Variants in IPCEF1 observed in about 807,000 individuals in gnomAD.
The protein encoded by IPCEF1 is interaction protein for cytohesin exchange factors 1.
Under a neutral mutation model 50.9 loss-of-function variants are expected in IPCEF1, and 31 were observed. That is an observed-to-expected ratio of 0.61 (90% CI 0.46 to 0.82). IPCEF1 has a LOEUF of 0.82. Among genes scored for constraint, IPCEF1 ranks in the 40% least tolerant of loss-of-function variants. The pLI, the probability that IPCEF1 is intolerant of heterozygous loss-of-function variation, is 0.00. For synonymous variants in IPCEF1, 181 were observed against 192.0 expected (o/e 0.94, Z 0.47); for missense variants, 458 against 514.0 (o/e 0.89, Z 1.05).
intron 10 of IPCEF1, among the ~76,000 whole-genome samples, chr6:154,172,653 G>C (rs950119129): frequency 3.9e-5 from 6 of 152,244 alleles, no homozygotes; most frequent in Non-Finnish European, 7.3e-5. Flanking sequence ...CAAAGCAGCA[G>C]GGAAGCTCGA....
At chr6:154,265,839 A>T in intron 3 of IPCEF1, 73 bp downstream of exon 3, 1 of 1,073,568 alleles carries the variant, frequency 9.3e-7, no homozygotes, top group Non-Finnish European at 1.4e-6. Flanking sequence ...CCAAACTTGA[A>T]ATCAACCTAC....
chr6:154,323,695 G>A (rs1783448420), intron 1 of IPCEF1, among the ~76,000 whole-genome samples: 1 of 152,198 alleles, frequency 6.6e-6, no homozygotes, highest in Admixed American at 6.5e-5. Flanking sequence ...GCTCACACCT[G>A]TAATCCCAAC....
chr6:154,352,857 A>G (rs184348782), intron 1 of IPCEF1, among the ~76,000 whole-genome samples: 114 of 152,376 alleles, frequency 7.5e-4, no homozygotes, highest in African/African-American at 2.6e-3. Context: ...GATGATAAAC[A>G]TATGGCAACA....
intron 2 of IPCEF1, among the ~76,000 whole-genome samples, chr6:154,274,054 CT>C (rs564831205): frequency 0.013 from 1,832 of 141,964 alleles, 4 homozygotes; most frequent in African/African-American, 0.026. Context: ...TGCCTGGCTG[CT>C]TTTTTTTTTT....
At chr6:154,340,242 T>A (rs67989225) in intron 1 of IPCEF1, among the ~76,000 whole-genome samples, 16,817 of 138,318 alleles carry the variant, frequency 0.12, 1,095 homozygotes, top group African/African-American at 0.18. Context: ...TTTTATTTTT[T>A]AATTTATTAT....
intron 1 of IPCEF1, among the ~76,000 whole-genome samples, chr6:154,317,187 G>T (rs113920448): frequency 1.9e-4 from 29 of 152,228 alleles, no homozygotes; most frequent in African/African-American, 7.0e-4. Context: ...GTTTGTCAAA[G>T]AATCTGTACC....
At chr6:154,216,629 G>A (rs1397573907) in intron 7 of IPCEF1, among the ~76,000 whole-genome samples, 1 of 152,186 alleles carries the variant, frequency 6.6e-6, no homozygotes, top group African/African-American at 2.4e-5. Context: ...CAGCACTTTG[G>A]GAGGCCAAGG....
intron 1 of IPCEF1, among the ~76,000 whole-genome samples, chr6:154,329,493 A>G (rs1783604500): frequency 6.6e-6 from 1 of 152,040 alleles, no homozygotes. Flanking sequence ...GCTACTCAGG[A>G]GGCCGAGGTG....
At chr6:154,229,060 G>A (rs1779495693) in intron 5 of IPCEF1, among the ~76,000 whole-genome samples, 1 of 152,146 alleles carries the variant, frequency 6.6e-6, no homozygotes, top group South Asian at 2.1e-4. Flanking sequence ...CCTTAAGTCT[G>A]GACTAGGTGC....
chr6:154,345,832 T>C (rs1464762977), intron 1 of IPCEF1, among the ~76,000 whole-genome samples: 1 of 147,536 alleles, frequency 6.8e-6, no homozygotes, highest in Non-Finnish European at 1.5e-5. Context: ...GGTTTTAATA[T>C]ATTAAAATAC....
At chr6:154,316,656 C>A (rs1783227229) in intron 1 of IPCEF1, among the ~76,000 whole-genome samples, 1 of 152,002 alleles carries the variant, frequency 6.6e-6, no homozygotes, top group Non-Finnish European at 1.5e-5. Flanking sequence ...TATAAAAGTT[C>A]AATGAAACAG....
intron 5 of IPCEF1, among the ~76,000 whole-genome samples, chr6:154,231,336 G>A (rs766703560): frequency 6.6e-6 from 1 of 152,224 alleles, no homozygotes; most frequent in Non-Finnish European, 1.5e-5. Context: ...TCAACAGAAG[G>A]AAACTGGATA....
chr6:154,307,527 G>A (rs1386407726), intron 1 of IPCEF1, among the ~76,000 whole-genome samples: 1 of 152,112 alleles, frequency 6.6e-6, no homozygotes, highest in Non-Finnish European at 1.5e-5. Flanking sequence ...ATGTACTGGG[G>A]TTAGGACTTC....
chr6:154,298,634 T>A (rs1044028338), intron 1 of IPCEF1, among the ~76,000 whole-genome samples: 2 of 152,220 alleles, frequency 1.3e-5, no homozygotes, highest in African/African-American at 4.8e-5. Context: ...TAAGAGTCTC[T>A]TCTTTCAGCA....
intron 5 of IPCEF1, among the ~76,000 whole-genome samples, chr6:154,229,863 G>GA (rs1482283150): frequency 6.6e-6 from 1 of 152,178 alleles, no homozygotes; most frequent in Non-Finnish European, 1.5e-5. Flanking sequence ...ACAGCCATAC[G>GA]ACGAAATGCT....
chr6:154,344,303 C>T (rs987804970), intron 1 of IPCEF1, among the ~76,000 whole-genome samples: 8 of 152,204 alleles, frequency 5.3e-5, no homozygotes, highest in African/African-American at 1.9e-4. Flanking sequence ...TTCCTCCACT[C>T]GTCGGAGCCA....
At chr6:154,191,575 G>A (rs537617893) in intron 10 of IPCEF1, among the ~76,000 whole-genome samples, 2 of 152,154 alleles carry the variant, frequency 1.3e-5, no homozygotes, top group African/African-American at 4.8e-5. Context: ...TTGGGAGGCT[G>A]AGGCAGGAGA....
intron 1 of IPCEF1, among the ~76,000 whole-genome samples, chr6:154,303,092 CTT>C (rs71021038): frequency 4.1e-5 from 5 of 121,378 alleles, no homozygotes; most frequent in African/African-American, 6.4e-5. Context: ...TATGATAGCA[CTT>C]TTTTTTTTTT....
At chr6:154,323,968 A>T (rs570705106) in intron 1 of IPCEF1, among the ~76,000 whole-genome samples, 1 of 152,334 alleles carries the variant, frequency 6.6e-6, no homozygotes, top group African/African-American at 2.4e-5. Flanking sequence ...ATACATATAT[A>T]CACAGAGGGA....
Sources: gnomAD v4.1 joint callset for allele counts (sites outside exome capture counted in the v4.1 genomes callset) on GRCh38, gnomAD v4.1.1 for gene constraint, MANE v1.5 for transcripts, NCBI Gene and HGNC (gene_info 2026-07-23, HGNC 2026-07-21) for gene names.